VPS13D: variants seen among roughly 807,000 people sequenced by gnomAD.
The protein encoded by VPS13D is intermembrane lipid transfer protein VPS13D.
Under a neutral mutation model 461.9 loss-of-function variants are expected in VPS13D, and 187 were observed. The observed-to-expected ratio is 0.40, with a 90% CI of 0.36 to 0.46. VPS13D has a LOEUF of 0.46. Ranked by LOEUF, VPS13D falls within the 20% of genes least tolerant of loss-of-function variation. The pLI, the probability that VPS13D is intolerant of heterozygous loss-of-function variation, is 0.60. For synonymous variants in VPS13D, 1,951 were observed against 1,986.3 expected, an observed-to-expected ratio of 0.98 and a Z score of 0.47; for missense variants, 4,711 against 5,364.9, an observed-to-expected ratio of 0.88 and a Z score of 3.81.
chr1:12,276,903 A>T lies in VPS13D; in HGVS notation c.3315A>T (p.Leu1105=), dbSNP rs770717645. 1 of 1,614,212 alleles carries T rather than the reference A, an allele frequency of 6.2e-7. No homozygotes were observed. The highest frequency in any genetic ancestry group is 8.5e-7 in the Non-Finnish European group (1 of 1,180,032). ...NLDSTLQVIS[L]QVNNLDIILN... The stretch of plus-strand genomic sequence containing the variant: ...ACAGTACTCTTCAGGTGATTTCCCT[A>T]CAGGTGAATAATTTAGATATTATCC... Residue 1105 remains leucine (L), a synonymous_variant, in exon 19 of 70, where the codon CTA becomes CTT. Coordinates refer to ENST00000620676, the MANE Select transcript of VPS13D (RefSeq NM_015378.4). The surrounding 1 kb of genome is among the most constrained non-coding windows in gnomAD (Gnocchi z 4.5).
chr1:12,411,861 A>C (rs1644734524), intron 63 of VPS13D, among the ~76,000 whole-genome samples: 1 of 152,298 alleles, frequency 6.6e-6, no homozygotes, highest in Non-Finnish European at 1.5e-5. Flanking sequence ...TCTTCAAGGA[A>C]GCTACTCCCA....
At chr1:12,323,075 A>C (rs569996047) in intron 34 of VPS13D, among the ~76,000 whole-genome samples, 3 of 151,846 alleles carry the variant, frequency 2.0e-5, no homozygotes, top group Non-Finnish European at 2.9e-5. Context: ...TTATTAATTT[A>C]TTGGTTTATT....
intron 44 of VPS13D, among the ~76,000 whole-genome samples, chr1:12,347,925 G>A (rs1014957818): frequency 2.0e-5 from 3 of 152,172 alleles, no homozygotes; most frequent in Non-Finnish European, 4.4e-5. Flanking sequence ...GAAAAATAAC[G>A]TAATGGCGGT....
chr1:12,405,660 A>T (rs1335368658), intron 63 of VPS13D, among the ~76,000 whole-genome samples: 1 of 152,210 alleles, frequency 6.6e-6, no homozygotes, highest in Non-Finnish European at 1.5e-5. Flanking sequence ...TATAGTTAGC[A>T]TGGGAGTGAG....
intron 67 of VPS13D, among the ~76,000 whole-genome samples, chr1:12,468,891 G>A (rs757168163): frequency 8.6e-5 from 13 of 151,914 alleles, no homozygotes; most frequent in Non-Finnish European, 1.9e-4. Context: ...AAAATTACCC[G>A]GGTATGGTGG....
intron 67 of VPS13D, among the ~76,000 whole-genome samples, chr1:12,488,328 C>T (rs78712519): frequency 0.011 from 1,741 of 152,258 alleles, 39 homozygotes; most frequent in African/African-American, 0.039. Flanking sequence ...CATTATCAAC[C>T]AAGTAGGTAT....
At chr1:12,254,558 C>G (rs1260751749) in intron 7 of VPS13D, among the ~76,000 whole-genome samples, 2 of 113,486 alleles carry the variant, frequency 1.8e-5, no homozygotes, top group Non-Finnish European at 3.3e-5. Flanking sequence ...GAGTCTCGCT[C>G]TGTCACCCAG....
At chr1:12,233,455 G>A (rs1441555623) in intron 1 of VPS13D, among the ~76,000 whole-genome samples, 1 of 152,118 alleles carries the variant, frequency 6.6e-6, no homozygotes, top group African/African-American at 2.4e-5. Context: ...AGCAGCTTCC[G>A]TGGTCTTTAT....
chr1:12,381,922 T>TTTTCTTTCCTTTCTTTC (rs1553185974), intron 57 of VPS13D, among the ~76,000 whole-genome samples: 2 of 101,260 alleles, frequency 2.0e-5, no homozygotes, highest in Non-Finnish European at 4.1e-5. Flanking sequence ...CTTTCTTTTC[T>TTTTCTTTCCTTTCTTTC]TTTCTTTCTT....
In VPS13D at chr1:12,293,474, T is replaced by A. The variant is rs764735411; in HGVS notation, c.5853-50T>A. On this transcript the variant is annotated intron_variant, in intron 23 of 69. Coordinates refer to ENST00000620676, the MANE Select transcript of VPS13D (RefSeq NM_015378.4). Reference sequence around the variant, plus strand: ...ACCAACCTGAGTTTTCTTGAAATACTAACTTGTGTCTTGCTGTTATCTGAG... The same window carrying A: ...ACCAACCTGAGTTTTCTTGAAATACAAACTTGTGTCTTGCTGTTATCTGAG... 3.3e-6 allele frequency: 5 copies of A among 1,501,538 alleles called. No homozygotes were observed. The East Asian group carries it at 1.2e-4, about 36-fold the overall frequency. The allele number at this position is 1,501,538 out of a possible 1,614,324, so 93.0% of individuals were successfully genotyped here. A position where few individuals can be genotyped will look rare whatever the true frequency, so the allele number is the denominator to read the frequency against.
intron 60 of VPS13D, among the ~76,000 whole-genome samples, chr1:12,393,327 C>T (rs1198237037): frequency 1.3e-5 from 2 of 152,202 alleles, no homozygotes; most frequent in South Asian, 2.1e-4. Flanking sequence ...AGTTGATATA[C>T]CCCTGCGGTT....
chr1:12,478,945 C>CA (rs1645674310), intron 67 of VPS13D: 1 of 453,998 alleles, frequency 2.2e-6, no homozygotes, highest in Non-Finnish European at 4.4e-6. Flanking sequence ...CCCATCACCT[C>CA]GAAAGCTGTT....
At position 12,509,471 on chromosome 1, in the gene VPS13D, G is replaced by A. The variant is rs1411283761; in HGVS notation, c.*447G>A. On this transcript the variant is annotated 3_prime_UTR_variant, in exon 70 of 70. Coordinates refer to ENST00000620676, the MANE Select transcript of VPS13D (RefSeq NM_015378.4). ...TTCTAGATGTCTAATTCAGGATACT[G>A]TCTATAGAAAGGCATTCTTAAAAGT... 1 of 153,372 alleles carries A rather than the reference G, an allele frequency of 6.5e-6. No individual in the cohort carries two copies. Among genetic ancestry groups the A allele is most frequent in the South Asian group, 2.1e-4 (1 of 4,860 alleles). 9.5% of individuals were successfully genotyped at this position (153,372 alleles called of 1,614,324 possible).
chr1:12,380,986 T>C (rs1644265256), intron 57 of VPS13D, among the ~76,000 whole-genome samples: 1 of 152,230 alleles, frequency 6.6e-6, no homozygotes, highest in South Asian at 2.1e-4. Context: ...ACTTCACTTC[T>C]AGTTTGTTTC....
intron 46 of VPS13D, among the ~76,000 whole-genome samples, chr1:12,350,358 A>G (rs1009004552): frequency 6.6e-6 from 1 of 152,202 alleles, no homozygotes; most frequent in Non-Finnish European, 1.5e-5. Flanking sequence ...TAAACTAGAA[A>G]TAAACAATAA....
At chr1:12,462,906 G>A (rs1645430686) in intron 67 of VPS13D, among the ~76,000 whole-genome samples, 1 of 152,140 alleles carries the variant, frequency 6.6e-6, no homozygotes. Context: ...GTCAGCACTG[G>A]CCACTCCTCA....
intron 44 of VPS13D, among the ~76,000 whole-genome samples, chr1:12,346,920 A>G (rs764842232): frequency 1.3e-5 from 2 of 152,236 alleles, no homozygotes; most frequent in Non-Finnish European, 2.9e-5. Flanking sequence ...TTTTCATTCT[A>G]AGTTAAAATA....
At chr1:12,240,216 A>T (rs920143458) in intron 2 of VPS13D, among the ~76,000 whole-genome samples, 1 of 151,948 alleles carries the variant, frequency 6.6e-6, no homozygotes, top group Non-Finnish European at 1.5e-5. Context: ...GTTGCCTGCA[A>T]TTCCCTTTAC....
intron 67 of VPS13D, among the ~76,000 whole-genome samples, chr1:12,465,538 A>G (rs1208594810): frequency 1.3e-5 from 2 of 152,264 alleles, no homozygotes; most frequent in African/African-American, 4.8e-5. Flanking sequence ...GTGCACGTAG[A>G]TGTAAATTCC....
Sources: allele counts gnomAD v4.1 joint callset (sites outside exome capture counted in the v4.1 genomes callset), GRCh38; gene constraint gnomAD v4.1.1; non-coding constraint Gnocchi (gnomAD v3.1); transcripts MANE v1.5; gene names NCBI Gene and HGNC (gene_info 2026-07-23, HGNC 2026-07-21).